The following MBNL2 variants were observed in gnomAD, a reference collection of about 807,000 sequenced individuals.
The protein encoded by MBNL2 is muscleblind-like protein 2.
Under a neutral mutation model 41.9 loss-of-function variants are expected in MBNL2, and 17 were observed. The ratio of observed to expected loss-of-function variants is 0.41; its 90% CI spans 0.28 to 0.61. The LOEUF (loss-of-function observed/expected upper bound fraction) is 0.61, where lower values mean the gene tolerates loss of function less well. MBNL2 is among the 20% of genes least tolerant of loss of function. The pLI, the probability that MBNL2 is intolerant of heterozygous loss-of-function variation, is 0.35. For missense variants in MBNL2, 336 were observed against 505.6 expected, an observed-to-expected ratio of 0.66 and a Z score of 3.22; for synonymous variants, 195 against 182.9, an observed-to-expected ratio of 1.07 and a Z score of -0.53.
intron 1 of MBNL2, among the ~76,000 whole-genome samples, chr13:97,240,152 C>CT (rs1411751743): frequency 6.6e-6 from 1 of 152,158 alleles, no homozygotes; most frequent in Non-Finnish European, 1.5e-5. Flanking sequence ...CTCGGGGAGT[C>CT]TGAGGTGGGG....
At chr13:97,338,432 A>G (rs1310333692) in intron 3 of MBNL2, among the ~76,000 whole-genome samples, 2 of 152,210 alleles carry the variant, frequency 1.3e-5, no homozygotes, top group Non-Finnish European at 2.9e-5. Flanking sequence ...TTAGGGCTTC[A>G]GTTCAATCAA....
intron 2 of MBNL2, among the ~76,000 whole-genome samples, chr13:97,300,661 C>G (rs1033395061): frequency 6.6e-6 from 1 of 152,156 alleles, no homozygotes; most frequent in Non-Finnish European, 1.5e-5. Context: ...CATTGCCTTT[C>G]TCTTCATCTT....
intron 8 of MBNL2, among the ~76,000 whole-genome samples, chr13:97,368,373 C>CA (rs2064038674): frequency 7.0e-6 from 1 of 143,506 alleles, no homozygotes; most frequent in South Asian, 2.2e-4. Flanking sequence ...ATGATCATGC[C>CA]ACTGCACTCT....
chr13:97,376,254 G>C (rs1253159035), intron 8 of MBNL2, among the ~76,000 whole-genome samples: 1 of 152,166 alleles, frequency 6.6e-6, no homozygotes, highest in African/African-American at 2.4e-5. Flanking sequence ...CTCACCCAGA[G>C]GCTGTTCTCT....
the MBNL2 span, among the ~76,000 whole-genome samples, chr13:97,147,084 C>A: frequency 6.6e-6 from 1 of 152,142 alleles, no homozygotes; most frequent in Non-Finnish European, 1.5e-5. Context: ...CAAACAGAGA[C>A]AAGAACAGCA....
the MBNL2 span, among the ~76,000 whole-genome samples, chr13:97,161,766 C>T: frequency 1.3e-5 from 2 of 152,136 alleles, no homozygotes; most frequent in African/African-American, 4.8e-5. Context: ...GAGTGCTTGC[C>T]ATGTCTTCAG....
chr13:97,299,411 C>T (rs1414211461), intron 2 of MBNL2, among the ~76,000 whole-genome samples: 2 of 151,922 alleles, frequency 1.3e-5, no homozygotes, highest in Non-Finnish European at 2.9e-5. Context: ...TTTATGGAAT[C>T]GATTGATGTA....
chr13:97,292,751 A>G (rs1442103480), intron 2 of MBNL2, among the ~76,000 whole-genome samples: 1 of 152,038 alleles, frequency 6.6e-6, no homozygotes, highest in Non-Finnish European at 1.5e-5. Flanking sequence ...ACTTCTTGAT[A>G]CATAGTACAA....
intron 7 of MBNL2, among the ~76,000 whole-genome samples, chr13:97,360,276 T>C (rs1566440446): frequency 1.3e-5 from 2 of 152,186 alleles, no homozygotes; most frequent in Admixed American, 6.5e-5. Flanking sequence ...GAATTTGGAT[T>C]TTAGGAATTC....
At chr13:97,365,222 A>G in intron 8 of MBNL2, 51 bp downstream of exon 8, 3 of 1,132,222 alleles carry the variant, frequency 2.6e-6, no homozygotes, top group Non-Finnish European at 4.1e-6. Context: ...CAATACCTTC[A>G]CTTGCTTGAA....
At chr13:97,238,136 A>C (rs1283016542) in intron 1 of MBNL2, among the ~76,000 whole-genome samples, 1 of 152,244 alleles carries the variant, frequency 6.6e-6, no homozygotes, top group Non-Finnish European at 1.5e-5. Context: ...TCCTCTGAGA[A>C]GTATGGGTCT....
chr13:97,274,061 C>G (rs1364770794), intron 1 of MBNL2, among the ~76,000 whole-genome samples: 1 of 149,878 alleles, frequency 6.7e-6, no homozygotes, highest in Non-Finnish European at 1.5e-5. Context: ...AACTCCGTCT[C>G]AAAAAAAAGA....
chr13:97,210,571 A>ATTTTTTTTTTTTTT, the MBNL2 span, among the ~76,000 whole-genome samples: 3 of 65,466 alleles, frequency 4.6e-5, no homozygotes, highest in African/African-American at 1.9e-4. Context: ...ACAACTGTGA[A>ATTTTTTTTTTTTTT]TTTTTTTTTT....
intron 3 of MBNL2, among the ~76,000 whole-genome samples, chr13:97,341,065 G>A (rs1351378663): frequency 1.3e-5 from 2 of 152,024 alleles, no homozygotes; most frequent in Non-Finnish European, 2.9e-5. Context: ...TATGGGGGAG[G>A]GCTCTTTTAT....
chr13:97,270,559 T>C (rs2050741371), intron 1 of MBNL2, among the ~76,000 whole-genome samples: 1 of 152,162 alleles, frequency 6.6e-6, no homozygotes, highest in Non-Finnish European at 1.5e-5. Context: ...CAAGGGTGAG[T>C]TTTTAAAATT....
At chr13:97,311,668 T>TA (rs146561009) in intron 2 of MBNL2, among the ~76,000 whole-genome samples, 4,047 of 151,072 alleles carry the variant, frequency 0.027, 198 homozygotes, top group African/African-American at 0.092. Flanking sequence ...CTTTTTTTTT[T>TA]AAAAAAAAAC....
At chr13:97,339,170 T>C (rs1253069229) in intron 3 of MBNL2, among the ~76,000 whole-genome samples, 1 of 135,150 alleles carries the variant, frequency 7.4e-6, no homozygotes, top group African/African-American at 2.7e-5. Flanking sequence ...TGTGAATGTG[T>C]ATGAGTATGT....
chr13:97,250,617 G>A (rs1429442818), intron 1 of MBNL2, among the ~76,000 whole-genome samples: 1 of 151,792 alleles, frequency 6.6e-6, no homozygotes, highest in African/African-American at 2.4e-5. Flanking sequence ...CAGTCATTTT[G>A]GATTTTTGTT....
intron 2 of MBNL2, among the ~76,000 whole-genome samples, chr13:97,290,967 A>G (rs1211280296): frequency 1.3e-5 from 2 of 152,166 alleles, no homozygotes; most frequent in East Asian, 1.9e-4. Flanking sequence ...TCCTGGAAAC[A>G]AGAGGCCTGA....
Sources: allele counts gnomAD v4.1 joint callset (sites outside exome capture counted in the v4.1 genomes callset), GRCh38; gene constraint gnomAD v4.1.1; transcripts MANE v1.5; gene names NCBI Gene and HGNC (gene_info 2026-07-23, HGNC 2026-07-21).